NRG1: variants seen among roughly 807,000 people sequenced by gnomAD.
NRG1 encodes pro-neuregulin-1, membrane-bound isoform.
Under a neutral mutation model 63.8 loss-of-function variants are expected in NRG1, and 18 were observed. That is an observed-to-expected ratio of 0.28 (90% CI 0.19 to 0.42). The LOEUF (loss-of-function observed/expected upper bound fraction) is 0.42. Ranked by LOEUF, NRG1 falls within the 10% of genes least tolerant of loss-of-function variation. NRG1 has a pLI of 1.00. For missense variants in NRG1, 762 were observed against 814.7 expected (o/e 0.94, Z 0.79); for synonymous variants, 302 against 301.3 (o/e 1.00, Z -0.02).
chr8:32,484,081 C>A (rs1022732708), intron 1 of NRG1, among the ~76,000 whole-genome samples: 2 of 147,276 alleles, frequency 1.4e-5, no homozygotes, highest in African/African-American at 2.5e-5. Flanking sequence ...CCAGCCTGGG[C>A]GACAGAGCAA....
Position 32,413,477 on chromosome 8 carries a change from C to A in NRG1, c.38-182351C>A, listed in dbSNP as rs1160755415. On this transcript the variant is annotated intron_variant, in intron 1 of 10. Transcript: ENST00000519301. ...TTCCATTTTTACTTCTATTCTGAAG[C>A]AGAAAAAGGAGATTAGATAAAAACT... 7.2e-5 allele frequency among the ~76,000 whole-genome samples: 11 copies of A among 152,200 alleles called. No individual in the cohort carries two copies. In the East Asian group the frequency reaches 2.1e-3, roughly 29 times the overall value.
At chr8:32,724,331 G>A (rs1451382192) in intron 5 of NRG1, among the ~76,000 whole-genome samples, 1 of 151,950 alleles carries the variant, frequency 6.6e-6, no homozygotes, top group African/African-American at 2.4e-5. Context: ...ACTATTGGGG[G>A]GTATCATCTT....
intron 1 of NRG1, among the ~76,000 whole-genome samples, chr8:31,758,698 C>T (rs975728067): frequency 2.6e-5 from 4 of 152,002 alleles, no homozygotes; most frequent in Admixed American, 6.6e-5. Flanking sequence ...TGGGTTGTTT[C>T]CAGTTTGGGA....
chr8:32,635,703 A>G (rs1282187042), intron 5 of NRG1, among the ~76,000 whole-genome samples: 2 of 152,218 alleles, frequency 1.3e-5, no homozygotes, highest in Non-Finnish European at 2.9e-5. Context: ...TTAAAAATGT[A>G]GAGATCCCTC....
intron 1 of NRG1, among the ~76,000 whole-genome samples, chr8:31,984,280 T>A (rs1192206722): frequency 3.3e-5 from 5 of 152,138 alleles, no homozygotes; most frequent in Non-Finnish European, 7.4e-5. Context: ...ACAATCTTTT[T>A]TAAAAAAGAG....
intron 5 of NRG1, among the ~76,000 whole-genome samples, chr8:32,693,648 A>T (rs1435281901): frequency 1.3e-5 from 2 of 151,696 alleles, no homozygotes; most frequent in Admixed American, 1.3e-4. Context: ...GCCAGTCTCT[A>T]TTTCAGAAAT....
intron 1 of NRG1, among the ~76,000 whole-genome samples, chr8:32,335,178 A>G (rs1803108751): frequency 6.6e-6 from 1 of 152,216 alleles, no homozygotes; most frequent in African/African-American, 2.4e-5. Context: ...CTCTGGCTCT[A>G]GGCATATAAA....
At chr8:32,530,917 C>A (rs1228357340) in intron 1 of NRG1, among the ~76,000 whole-genome samples, 1 of 152,162 alleles carries the variant, frequency 6.6e-6, no homozygotes, top group Non-Finnish European at 1.5e-5. Context: ...CATGGTGACA[C>A]CTCATCTCTA....
At chr8:32,526,901 G>C (rs943424730) in intron 1 of NRG1, among the ~76,000 whole-genome samples, 6 of 151,926 alleles carry the variant, frequency 3.9e-5, no homozygotes, top group Non-Finnish European at 5.9e-5. Flanking sequence ...AGGTCTACAG[G>C]GCTCCATTTG....
At chr8:32,640,371 C>T (rs1206931063) in intron 5 of NRG1, among the ~76,000 whole-genome samples, 1 of 151,022 alleles carries the variant, frequency 6.6e-6, no homozygotes, top group Non-Finnish European at 1.5e-5. Flanking sequence ...TTTATTCATC[C>T]CTCTTCTATG....
At chr8:32,714,033 C>G (rs1047251489) in intron 5 of NRG1, among the ~76,000 whole-genome samples, 3 of 152,046 alleles carry the variant, frequency 2.0e-5, no homozygotes, top group Non-Finnish European at 4.4e-5. Flanking sequence ...CCATGTTGAG[C>G]AAGCTTGTCT....
At chr8:32,400,347 G>A (rs1371885120) in intron 1 of NRG1, among the ~76,000 whole-genome samples, 1 of 152,124 alleles carries the variant, frequency 6.6e-6, no homozygotes, top group Non-Finnish European at 1.5e-5. Flanking sequence ...GCCAGGTGTG[G>A]TGGTGCAACC....
intron 1 of NRG1, among the ~76,000 whole-genome samples, chr8:32,511,264 A>C (rs554868403): frequency 1.1e-4 from 16 of 149,868 alleles, no homozygotes; most frequent in African/African-American, 3.9e-4. Flanking sequence ...AAACAAACTT[A>C]CATGACCCTG....
chr8:32,181,235 T>C (rs960329143), intron 1 of NRG1, among the ~76,000 whole-genome samples: 2 of 152,206 alleles, frequency 1.3e-5, no homozygotes, highest in African/African-American at 4.8e-5. Flanking sequence ...CAGCTAGTTA[T>C]TAGTCCTTTG....
intron 1 of NRG1, among the ~76,000 whole-genome samples, chr8:31,925,872 T>G (rs968217792): frequency 6.6e-6 from 1 of 152,230 alleles, no homozygotes; most frequent in Non-Finnish European, 1.5e-5. Flanking sequence ...GTAATATGAA[T>G]AACAGTTATT....
At chr8:32,262,823 AC>A (rs1229940559) in intron 1 of NRG1, among the ~76,000 whole-genome samples, 7 of 152,158 alleles carry the variant, frequency 4.6e-5, no homozygotes, top group Non-Finnish European at 2.9e-5. Flanking sequence ...TAATACATGG[AC>A]AGGTTAGAAA....
chr8:32,550,926 C>T (rs1475859438), intron 1 of NRG1, among the ~76,000 whole-genome samples: 1 of 152,080 alleles, frequency 6.6e-6, no homozygotes, highest in East Asian at 1.9e-4. Context: ...TGGGGAGGGA[C>T]TTTTTACCCC....
intron 11 of NRG1, chr8:32,763,202 C>CTT: frequency 6.3e-7 from 1 of 1,587,770 alleles, no homozygotes; most frequent in East Asian, 2.3e-5. Context: ...TTACTATGCT[C>CTT]TTTTTTTTTC....
At chr8:32,132,950 TCTTC>T (rs920001258) in intron 1 of NRG1, among the ~76,000 whole-genome samples, 7 of 151,878 alleles carry the variant, frequency 4.6e-5, no homozygotes, top group African/African-American at 1.5e-4. Flanking sequence ...AATTGGCCAG[TCTTC>T]CTTCCTTCCT....
Sources: allele counts gnomAD v4.1 joint callset (sites outside exome capture counted in the v4.1 genomes callset), GRCh38; gene constraint gnomAD v4.1.1; transcripts MANE v1.5; gene names NCBI Gene and HGNC (gene_info 2026-07-23, HGNC 2026-07-21).